TJP1: variants seen among roughly 807,000 people sequenced by gnomAD.
TJP1 encodes the protein tight junction protein ZO-1.
Under a neutral mutation model 194.2 loss-of-function variants are expected in TJP1, and 43 were observed. The observed-to-expected ratio is 0.22, with a 90% confidence interval of 0.17 to 0.29. The LOEUF (loss-of-function observed/expected upper bound fraction) is 0.29. Among genes scored for constraint, TJP1 ranks in the 10% least tolerant of loss-of-function variants. The pLI is 1.00. For missense variants in TJP1, 1,971 were observed against 2,185.7 expected, an observed-to-expected ratio of 0.90 and a Z score of 1.96; for synonymous variants, 801 against 779.0, an observed-to-expected ratio of 1.03 and a Z score of -0.47.
chr15:29,779,740 T>G (rs996519041), intron 2 of TJP1, among the ~76,000 whole-genome samples: 4 of 152,154 alleles, frequency 2.6e-5, no homozygotes, highest in Admixed American at 1.3e-4. Context: ...CTGGAAAAAT[T>G]AGCAGCAATG....
At chr15:29,787,659 G>A (rs1366410674) in intron 2 of TJP1, among the ~76,000 whole-genome samples, 4 of 152,074 alleles carry the variant, frequency 2.6e-5, no homozygotes, top group Admixed American at 1.3e-4. Context: ...GTTCATCAAT[G>A]TTGTGGCATG....
intron 2 of TJP1, among the ~76,000 whole-genome samples, chr15:29,787,445 T>G (rs117201899): frequency 1.3e-5 from 2 of 152,112 alleles, no homozygotes; most frequent in African/African-American, 4.8e-5. Context: ...AACACATACA[T>G]TGGACCCCAT....
chr15:29,914,692 G>A (rs986861580), intron 2 of TJP1, among the ~76,000 whole-genome samples: 46 of 152,054 alleles, frequency 3.0e-4, no homozygotes, highest in African/African-American at 1.1e-3. Flanking sequence ...TCCGGGGAGA[G>A]TATCTGAGGC....
At chr15:29,908,385 G>A (rs540533547) in intron 2 of TJP1, among the ~76,000 whole-genome samples, 1 of 152,248 alleles carries the variant, frequency 6.6e-6, no homozygotes, top group South Asian at 2.1e-4. Flanking sequence ...AATTAATGAT[G>A]CCTACAAAAT....
At chr15:29,826,312 C>T (rs1567110199), upstream of TJP1, among the ~76,000 whole-genome samples, 1 of 152,082 alleles carries the variant, frequency 6.6e-6, no homozygotes, top group Non-Finnish European at 1.5e-5. Context: ...ATTGCACAAC[C>T]AGGCAGGTCG....
chr15:29,709,274 C>T (rs1241389136), intron 24 of TJP1, among the ~76,000 whole-genome samples: 2 of 152,052 alleles, frequency 1.3e-5, no homozygotes, highest in African/African-American at 4.8e-5. Flanking sequence ...TGCTAAGATT[C>T]CTGGCCTCCA....
At position 29,762,370 on chromosome 15, in the gene TJP1, C is replaced by T. The variant is rs1772514419; in HGVS notation, c.658G>A (p.Asp220Asn). 1 of 1,613,548 alleles carries T rather than the reference C, an allele frequency of 6.2e-7. No individual in the cohort carries two copies. The highest frequency in any genetic ancestry group is 8.5e-7 in the Non-Finnish European group (1 of 1,179,910). ...EISQDSLAAR[D>N]GNIQEGDVVL... ...ACATCACCTTCTTGAATATTGCCAT[C>T]TCTTGCTGCCAAACTATCTTGTGAA... is the stretch of plus-strand genomic sequence containing the variant. The change falls in exon 6 of 28, where the codon GAT becomes AAT. Residue 220 changes from aspartate (D) to asparagine (N), a missense_variant. Transcript: ENST00000614355.
chr15:29,745,013 T>G (rs2044672665), intron 8 of TJP1, among the ~76,000 whole-genome samples: 1 of 152,178 alleles, frequency 6.6e-6, no homozygotes, highest in Admixed American at 6.5e-5. Context: ...ACTGACACAA[T>G]TCATTATTAT....
chr15:29,815,584 G>A (rs577149024), intron 1 of TJP1, among the ~76,000 whole-genome samples: 1 of 152,246 alleles, frequency 6.6e-6, no homozygotes, highest in Non-Finnish European at 1.5e-5. Context: ...GGCCTGAAAT[G>A]AGCAATGACT....
upstream of TJP1, among the ~76,000 whole-genome samples, chr15:29,824,916 TCAAA>T (rs1016265115): frequency 3.9e-5 from 6 of 152,282 alleles, no homozygotes; most frequent in East Asian, 7.7e-4. Context: ...AAAAATGAAA[TCAAA>T]CAAAAATATT....
At chr15:29,819,822 T>C (rs2050201219) in intron 1 of TJP1, among the ~76,000 whole-genome samples, 1 of 152,232 alleles carries the variant, frequency 6.6e-6, no homozygotes, top group Non-Finnish European at 1.5e-5. Flanking sequence ...ATATTTGTTA[T>C]ATTTATTTCT....
In TJP1 at chr15:29,953,140, A is replaced by ATTTTTTTTTTTTTTTT. The variant is rs71416442; in HGVS notation, c.306+3076_306+3091dup. 1.2e-3 allele frequency among the ~76,000 whole-genome samples: 136 copies of ATTTTTTTTTTTTTTTT among 110,978 alleles called. 10 individuals are homozygous for ATTTTTTTTTTTTTTTT. Among genetic ancestry groups the ATTTTTTTTTTTTTTTT allele is most frequent in the East Asian group, 3.4e-3 (9 of 2,614 alleles). 72.8% of individuals were successfully genotyped at this position (110,978 alleles called of 152,430 possible). A position where few individuals can be genotyped will look rare whatever the true frequency, so the allele number is the denominator to read the frequency against. ...TTCCTTCTTTCATAAAAGAAGACAG[A>ATTTTTTTTTTTTTTTT]TTTTTTTTTTTTTTTTTTTGCAACG... On this transcript the variant is annotated intron_variant, in intron 2 of 28. Coordinates refer to the TJP1 transcript ENST00000356107.
At chr15:29,701,770 G>A (rs1014234576) in intron 27 of TJP1, 81 bp from the exon 28 acceptor site, 206 of 967,454 alleles carry the variant, frequency 2.1e-4, no homozygotes, top group Non-Finnish European at 2.2e-4. Context: ...GGGCAAATAC[G>A]TATATTTAGA....
chr15:29,822,212 G>C lies in TJP1; in HGVS notation c.-184C>G, dbSNP rs533804614. 1 of 1,176,216 alleles carries C rather than the reference G, an allele frequency of 8.5e-7. No homozygotes were observed. The highest frequency in any genetic ancestry group is 4.6e-5 in the Admixed American group (1 of 21,782). 72.9% of individuals were successfully genotyped at this position (1,176,216 alleles called of 1,614,324 possible). A position where few individuals can be genotyped will look rare whatever the true frequency, so the allele number is the denominator to read the frequency against. On this transcript the variant is annotated 5_prime_UTR_variant, in exon 1 of 28. Transcript: ENST00000614355. ...CAACTCGGACAAAAGTCCGGGAAGCGCCCGCCCCGCCCGGGTCTTCTCCAC... is the reference window on the plus strand; with the variant it reads ...CAACTCGGACAAAAGTCCGGGAAGCCCCCGCCCCGCCCGGGTCTTCTCCAC...
chr15:29,876,967 GA>G (rs2052724076), intron 2 of TJP1, among the ~76,000 whole-genome samples: 1 of 152,136 alleles, frequency 6.6e-6, no homozygotes, highest in Non-Finnish European at 1.5e-5. Flanking sequence ...TCAAGAAATG[GA>G]AGTGACTTCA....
At position 29,710,642 on chromosome 15, in the gene TJP1, G is replaced by C. The variant is rs370292575; in HGVS notation, c.4372+189C>G. Among the ~76,000 whole-genome samples the C allele has an allele frequency of 1.2e-4, 18 of 152,220 alleles. No individual in the cohort carries two copies. The South Asian group carries it at 1.2e-3, about 11-fold the overall frequency. ...AGATTAAAATCTGTTTAGCTAAAAG[G>C]CTTGTCCAAAATAATGGTCTTGTAA... On this transcript the variant is annotated intron_variant, in intron 24 of 27. Transcript: ENST00000614355.
chr15:29,750,806 A>T (rs1566953442), intron 8 of TJP1, among the ~76,000 whole-genome samples: 1 of 152,356 alleles, frequency 6.6e-6, no homozygotes, highest in South Asian at 2.1e-4. Context: ...CAAGTTCATT[A>T]ATTGCATAAG....
In TJP1 at chr15:29,911,452, AG is replaced by A. The variant is rs145828213; in HGVS notation, c.306+44779del. Among the ~76,000 whole-genome samples, 199 of 152,352 alleles carry A rather than the reference AG, an allele frequency of 1.3e-3. 2 individuals are homozygous for A. Among genetic ancestry groups the A allele is most frequent in the African/African-American group, 4.6e-3 (192 of 41,576 alleles). On this transcript the variant is annotated intron_variant, in intron 2 of 28. Coordinates refer to the TJP1 transcript ENST00000356107. ...AGACTGGGTAATTTATAAAGAAAACAGGTTTAATTGGCTCATGGTTCCATGG... is the reference window on the plus strand; with the variant it reads ...AGACTGGGTAATTTATAAAGAAAACAGTTTAATTGGCTCATGGTTCCATGG...
intron 5 of TJP1, among the ~76,000 whole-genome samples, chr15:29,763,767 C>CACAAA (rs2046157357): frequency 8.2e-6 from 1 of 122,198 alleles, no homozygotes; most frequent in Non-Finnish European, 1.7e-5. Context: ...GACTCCGTCT[C>CACAAA]AAAAAAAAAA....
Sources: gnomAD v4.1 joint callset for allele counts (sites outside exome capture counted in the v4.1 genomes callset) on GRCh38, gnomAD v4.1.1 for gene constraint, MANE v1.5 for transcripts, NCBI Gene and HGNC (gene_info 2026-07-23, HGNC 2026-07-21) for gene names.